DCAF13: variants seen among roughly 807,000 people sequenced by gnomAD.
DCAF13 encodes DDB1 and CUL4 associated factor 13.
A neutral mutation model predicts 59.0 loss-of-function variants in DCAF13; 38 were observed. The ratio of observed to expected loss-of-function variants is 0.64; its 90% CI spans 0.50 to 0.84. The LOEUF (loss-of-function observed/expected upper bound fraction) is 0.84. Ranked by LOEUF, DCAF13 falls within the 40% of genes least tolerant of loss-of-function variation. DCAF13 has a pLI of 0.00. For missense variants in DCAF13, 469 were observed against 558.4 expected (o/e 0.84, Z 1.61); for synonymous variants, 173 against 175.0 (o/e 0.99, Z 0.09).
In DCAF13 at chr8:103,415,410, G is replaced by A. The variant is rs752635374; in HGVS notation, c.-37G>A. On this transcript the variant is annotated 5_prime_UTR_variant, in exon 1 of 11. Coordinates refer to ENST00000612750, the MANE Select transcript of DCAF13 (RefSeq NM_015420.7). ...GGTGGCGGTGGGCGGAACTCCTAGCGGACACCTCGTGGAGTCCGGCCGGAA... is the reference window on the plus strand; with the variant it reads ...GGTGGCGGTGGGCGGAACTCCTAGCAGACACCTCGTGGAGTCCGGCCGGAA... The A allele has an allele frequency of 5.6e-6, 9 of 1,614,072 alleles. No homozygotes were observed. Among genetic ancestry groups the A allele is most frequent in the South Asian group, 2.2e-5 (2 of 91,084 alleles).
intron 5 of DCAF13, chr8:103,429,677 A>G (rs1816835465): frequency 1.4e-5 from 2 of 145,536 alleles, no homozygotes; most frequent in South Asian, 4.2e-4. Flanking sequence ...GGCCTAATTT[A>G]TAGAGAGTTA....
At chr8:103,424,945 A>C (rs1000779586) in intron 3 of DCAF13, among the ~76,000 whole-genome samples, 2 of 152,224 alleles carry the variant, frequency 1.3e-5, no homozygotes, top group Non-Finnish European at 2.9e-5. Flanking sequence ...ACAAGGATGT[A>C]GTTAAGGATT....
intron 7 of DCAF13, 102 bp downstream of exon 7, chr8:103,432,843 A>G (rs1167670699): frequency 1.1e-5 from 7 of 639,352 alleles, no homozygotes; most frequent in Non-Finnish European, 1.9e-5. Context: ...GTATACCTAT[A>G]AAGTTTGAAA....
intron 3 of DCAF13, among the ~76,000 whole-genome samples, chr8:103,422,807 A>G (rs768436348): frequency 4.6e-5 from 7 of 152,208 alleles, no homozygotes; most frequent in Non-Finnish European, 8.8e-5. Context: ...TATAAAATGT[A>G]GGTTGCAATC....
In DCAF13 at chr8:103,427,242, A is replaced by G; in HGVS notation, c.614A>G (p.Asn205Ser). 6.2e-7 allele frequency: 1 copy of G among 1,612,136 alleles called. No homozygotes were observed. ...GFDSISSVKF[N>S]PIETFLLGSC... ...GACAGTATAAGTAGTGTTAAATTTA[A>G]CCCAATTGAGGTAATGTTTTTTTTT... is the stretch of plus-strand genomic sequence containing the variant. The change falls in exon 5 of 11, where the codon AAC becomes AGC. Residue 205 changes from asparagine (N) to serine (S), a missense_variant. By Grantham distance (46) the Asn-to-Ser change is conservative (BLOSUM62 1). Coordinates refer to ENST00000612750, the MANE Select transcript of DCAF13 (RefSeq NM_015420.7).
At position 103,440,132 on chromosome 8, in the gene DCAF13, A is replaced by G. The variant is rs202185627; in HGVS notation, c.951-4A>G. 1.5e-5 allele frequency: 24 copies of G among 1,558,850 alleles called. No individual in the cohort carries two copies. Among genetic ancestry groups the G allele is most frequent in the Middle Eastern group, 2.2e-4 (1 of 4,644 alleles). ...AGGGTTTTAACTTAATTCGTTTTCTATAGGGAGGTATATCATACAAAGAGA... is the reference window on the plus strand; with the variant it reads ...AGGGTTTTAACTTAATTCGTTTTCTGTAGGGAGGTATATCATACAAAGAGA... On this transcript the variant is annotated splice_polypyrimidine_tract_variant and splice_region_variant and intron_variant, in intron 8 of 10. Coordinates refer to ENST00000612750, the MANE Select transcript of DCAF13 (RefSeq NM_015420.7).
Position 103,427,209 on chromosome 8 carries a change from G to C in DCAF13, c.581G>C (p.Trp194Ser), listed in dbSNP as rs753548168. 1.2e-5 allele frequency: 20 copies of C among 1,613,422 alleles called. No homozygotes were observed. Among genetic ancestry groups the C allele is most frequent in the African/African-American group, 2.7e-5 (2 of 74,880 alleles). ...ACTAATCCTATATGTTCAATGACCT[G>C]GGGATTTGACAGTATAAGTAGTGTT... ...QRTNPICSMT[W>S]GFDSISSVKF... The change falls in exon 5 of 11, where the codon TGG (tryptophan) becomes TCG (serine). Residue 194 changes from tryptophan (W) to serine (S), a missense_variant. By Grantham distance (177) the Trp-to-Ser change is radical. Around this residue, in one of 3 missense-constraint regions of DCAF13, gnomAD observed 355 missense variants for 399.1 expected, o/e 0.89. Coordinates refer to ENST00000612750, the MANE Select transcript of DCAF13 (RefSeq NM_015420.7).
intron 8 of DCAF13, chr8:103,439,334 T>G (rs1217961849): frequency 1.3e-5 from 2 of 149,528 alleles, no homozygotes; most frequent in Non-Finnish European, 3.0e-5. Flanking sequence ...ACTTCTGTAG[T>G]CCTCCCTTCC....
chr8:103,440,957 G>A (rs2130498952), intron 9 of DCAF13: 1 of 152,434 alleles, frequency 6.6e-6, no homozygotes, highest in South Asian at 2.1e-4. Context: ...TTCTGTTTTA[G>A]GTTTAATGAT....
intron 10 of DCAF13, chr8:103,441,924 C>T (rs559765214): frequency 4.2e-5 from 10 of 240,042 alleles, no homozygotes; most frequent in South Asian, 1.3e-4. Flanking sequence ...CGCCACCATG[C>T]GCGGCTAATT....
rs1307200968 is a variant in DCAF13 at position 103,439,944 on chromosome 8, TTTG to T, written c.951-189_951-187del. ...ATAGTAAGTTCTCTGAGAGCAGAAA[TTTG>T]TTTACTACCCCAGCACTTAACACGG... is the stretch of plus-strand genomic sequence containing the variant. On this transcript the variant is annotated intron_variant, in intron 8 of 10. Coordinates refer to ENST00000612750, the MANE Select transcript of DCAF13 (RefSeq NM_015420.7). The T allele has an allele frequency of 1.7e-5, 6 of 362,940 alleles. No individual in the cohort carries two copies. In the East Asian group the frequency reaches 2.5e-4, roughly 15 times the overall value. 22.5% of individuals were successfully genotyped at this position (362,940 alleles called of 1,614,324 possible).
At chr8:103,418,766 CTT>C (rs1816663688) in intron 1 of DCAF13, among the ~76,000 whole-genome samples, 1 of 126,858 alleles carries the variant, frequency 7.9e-6, no homozygotes, top group African/African-American at 2.9e-5. Flanking sequence ...GATGCATTTA[CTT>C]TTTACTCACT....
chr8:103,432,641 C>T lies in DCAF13; in HGVS notation c.703-18C>T, dbSNP rs1453831704. ...AAAGGAAAGGAAGTGGGAAATTCAT[C>T]CATTCTTCCTTTCTCAGGTTATCTT... On this transcript the variant is annotated intron_variant, in intron 6 of 10. Coordinates refer to ENST00000612750, the MANE Select transcript of DCAF13 (RefSeq NM_015420.7). 3 of 1,463,600 alleles carry T rather than the reference C, an allele frequency of 2.0e-6. No individual in the cohort carries two copies. The highest frequency in any genetic ancestry group is 1.4e-5 in the African/African-American group (1 of 71,446). The allele number at this position is 1,463,600 out of a possible 1,614,324, so 90.7% of individuals were successfully genotyped here.
chr8:103,430,403 ATAAAT>A, intron 5 of DCAF13: 1 of 343,822 alleles, frequency 2.9e-6, no homozygotes, highest in Non-Finnish European at 5.3e-6. Flanking sequence ...AAATAAATAA[ATAAAT>A]AAATAAAATA....
chr8:103,420,233 G>A (rs375397922), intron 1 of DCAF13, 31 bp from the exon 2 acceptor site: 40 of 1,592,164 alleles, frequency 2.5e-5, no homozygotes, highest in African/African-American at 2.3e-4. Flanking sequence ...TATTAAGTGT[G>A]AATTATTAAG....
chr8:103,441,388 T>C, intron 9 of DCAF13, 67 bp from the exon 10 acceptor site: 8 of 1,454,732 alleles, frequency 5.5e-6, no homozygotes, highest in Non-Finnish European at 7.4e-6. Context: ...AAGGGTGCTT[T>C]CTAGCTTTTT....
At chr8:103,430,568 G>A in intron 5 of DCAF13, 44 bp from the exon 6 acceptor site, 1 of 1,375,904 alleles carries the variant, frequency 7.3e-7, no homozygotes, top group Non-Finnish European at 1.0e-6. Context: ...GTGGTTTGCT[G>A]CCAGGTCTGG....
chr8:103,436,661 C>A (rs1333037193), intron 8 of DCAF13, among the ~76,000 whole-genome samples: 1 of 151,926 alleles, frequency 6.6e-6, no homozygotes, highest in Non-Finnish European at 1.5e-5. Flanking sequence ...GAATTTTGTT[C>A]TCGAGTTTTC....
intron 6 of DCAF13, among the ~76,000 whole-genome samples, chr8:103,431,843 C>T (rs1401641530): frequency 6.6e-6 from 1 of 151,824 alleles, no homozygotes; most frequent in Admixed American, 6.6e-5. Context: ...TTTGCACATT[C>T]TCAGTTTTTA....
Sources: gnomAD v4.1 joint callset for allele counts (sites outside exome capture counted in the v4.1 genomes callset) on GRCh38, gnomAD v4.1.1 for gene constraint, gnomAD v4.1.1 regional missense constraint, MANE v1.5 for transcripts, NCBI Gene and HGNC (gene_info 2026-07-23, HGNC 2026-07-21) for gene names.